The following NELL2 variants were observed in gnomAD, a reference collection of about 807,000 sequenced individuals.
NELL2 encodes neural EGFL like 2.
Under a neutral mutation model 109.6 loss-of-function variants are expected in NELL2, and 41 were observed. That is an observed-to-expected ratio of 0.37 (90% CI 0.29 to 0.49). The LOEUF (loss-of-function observed/expected upper bound fraction) is 0.49, where lower values mean the gene tolerates loss of function less well. NELL2 is among the 20% of genes least tolerant of loss of function. The probability of loss-of-function intolerance (pLI) is 0.98; values close to 1 mark genes in which losing one functional copy is unlikely to be tolerated. For missense variants in NELL2, 900 were observed against 1,008.3 expected (o/e 0.89, Z 1.45); for synonymous variants, 355 against 344.7 (o/e 1.03, Z -0.33).
chr12:44,616,954 G>A (rs1945843869), intron 13 of NELL2, among the ~76,000 whole-genome samples: 1 of 152,068 alleles, frequency 6.6e-6, no homozygotes, highest in Non-Finnish European at 1.5e-5. Flanking sequence ...CAGTACTTTA[G>A]CAATATAATT....
At chr12:44,545,500 T>C (rs1372660958) in intron 15 of NELL2, among the ~76,000 whole-genome samples, 1 of 152,050 alleles carries the variant, frequency 6.6e-6, no homozygotes, top group East Asian at 1.9e-4. Context: ...TACAGAATGA[T>C]CATAAATAAC....
At chr12:44,515,221 A>G (rs2138966496) in intron 19 of NELL2, among the ~76,000 whole-genome samples, 2 of 152,014 alleles carry the variant, frequency 1.3e-5, no homozygotes, top group East Asian at 3.9e-4. Flanking sequence ...AAATAAGAAC[A>G]ATACATTTTC....
chr12:44,876,592 G>A (rs777547894), upstream of NELL2: 22 of 1,537,090 alleles, frequency 1.4e-5, no homozygotes, highest in South Asian at 2.2e-4. Context: ...GTTGATGGGC[G>A]GTCTTTGCTC....
intron 1 of NELL2, among the ~76,000 whole-genome samples, chr12:44,892,582 G>T (rs1945546677): frequency 6.6e-6 from 1 of 151,992 alleles, no homozygotes; most frequent in Non-Finnish European, 1.5e-5. Flanking sequence ...CAGATCACGA[G>T]GTCAGGAGAT....
chr12:44,624,996 GTATATATATA>G lies in NELL2; in HGVS notation c.1445-14036_1445-14027del, dbSNP rs3072882. 5.6e-3 allele frequency among the ~76,000 whole-genome samples: 396 copies of G among 71,126 alleles called. 5 individuals are homozygous for G. Among genetic ancestry groups the G allele is most frequent in the African/African-American group, 0.021 (384 of 18,204 alleles). The allele number at this position is 71,126 out of a possible 152,430, so 46.7% of individuals were successfully genotyped here. A position where few individuals can be genotyped will look rare whatever the true frequency, so the allele number is the denominator to read the frequency against. Reference sequence around the variant, plus strand: ...ATGACAAATATATATATATGTGTGTGTATATATATATATATATATATATATATATATATAT... The same window carrying G: ...ATGACAAATATATATATATGTGTGTGTATATATATATATATATATATATAT... On this transcript the variant is annotated intron_variant, in intron 13 of 19. Coordinates refer to ENST00000429094, the MANE Select transcript of NELL2 (RefSeq NM_001145108.2).
chr12:44,543,961 T>C (rs1942685906), intron 15 of NELL2, among the ~76,000 whole-genome samples: 1 of 152,094 alleles, frequency 6.6e-6, no homozygotes, highest in African/African-American at 2.4e-5. Context: ...ATATAAACAC[T>C]ATGGATTTTC....
At chr12:44,739,566 T>C (rs185790476) in intron 9 of NELL2, among the ~76,000 whole-genome samples, 72 of 152,316 alleles carry the variant, frequency 4.7e-4, no homozygotes, top group Non-Finnish European at 7.6e-4. Context: ...TGTAAAATTA[T>C]ATTATAGAAA....
At chr12:44,600,239 G>A (rs1489296904) in intron 15 of NELL2, among the ~76,000 whole-genome samples, 1 of 150,518 alleles carries the variant, frequency 6.6e-6, no homozygotes, top group Non-Finnish European at 1.5e-5. Context: ...TGGATCTCCG[G>A]ACCTCGTGAT....
At chr12:44,846,049 G>A (rs751162950) in intron 2 of NELL2, among the ~76,000 whole-genome samples, 27 of 152,138 alleles carry the variant, frequency 1.8e-4, no homozygotes, top group Non-Finnish European at 2.4e-4. Flanking sequence ...AATGGACTTG[G>A]AACATTTACA....
intron 13 of NELL2, among the ~76,000 whole-genome samples, chr12:44,627,383 T>C (rs1422686386): frequency 6.6e-6 from 1 of 151,574 alleles, no homozygotes; most frequent in Non-Finnish European, 1.5e-5. Flanking sequence ...CTATTCTCAT[T>C]GGTTATAAAG....
chr12:44,776,927 CA>C, intron 7 of NELL2, 114 bp downstream of exon 7: 1 of 833,250 alleles, frequency 1.2e-6, no homozygotes, highest in South Asian at 1.5e-5. Flanking sequence ...TCAGTCCTAG[CA>C]AACAGTATAG....
chr12:44,729,776 A>G (rs1939274171), intron 9 of NELL2, among the ~76,000 whole-genome samples: 1 of 150,276 alleles, frequency 6.7e-6, no homozygotes, highest in Non-Finnish European at 1.5e-5. Flanking sequence ...CCACCACACC[A>G]GGCCTTTTTG....
chr12:44,743,749 A>C (rs1485933079), intron 9 of NELL2, among the ~76,000 whole-genome samples: 1 of 152,242 alleles, frequency 6.6e-6, no homozygotes, highest in African/African-American at 2.4e-5. Context: ...AGAAGAGCTA[A>C]CCAGCCTAAA....
intron 12 of NELL2, among the ~76,000 whole-genome samples, chr12:44,673,460 C>T (rs554514401): frequency 3.3e-5 from 5 of 152,246 alleles, no homozygotes; most frequent in East Asian, 1.9e-4. Context: ...AGAACCACAG[C>T]GACAAGTGGA....
At chr12:44,766,240 T>G (rs1941330401) in intron 9 of NELL2, among the ~76,000 whole-genome samples, 1 of 152,184 alleles carries the variant, frequency 6.6e-6, no homozygotes, top group South Asian at 2.1e-4. Flanking sequence ...TTTATACCAT[T>G]TATAAATATG....
At chr12:44,833,222 T>C (rs984929161) in intron 2 of NELL2, among the ~76,000 whole-genome samples, 1 of 152,216 alleles carries the variant, frequency 6.6e-6, no homozygotes, top group African/African-American at 2.4e-5. Context: ...AAGTGGTCTA[T>C]AGAAAATTTC....
At chr12:44,727,315 C>A (rs1369106902) in intron 9 of NELL2, among the ~76,000 whole-genome samples, 1 of 152,044 alleles carries the variant, frequency 6.6e-6, no homozygotes, top group Non-Finnish European at 1.5e-5. Flanking sequence ...TTAAGGATTA[C>A]TGGTGTAGAC....
chr12:44,873,857 G>T (rs1466406884), intron 2 of NELL2, among the ~76,000 whole-genome samples: 1 of 151,520 alleles, frequency 6.6e-6, no homozygotes, highest in African/African-American at 2.4e-5. Flanking sequence ...GTTTTTAAAG[G>T]ATTCAATATC....
At chr12:44,600,473 C>T (rs1252993590) in intron 15 of NELL2, among the ~76,000 whole-genome samples, 1 of 152,092 alleles carries the variant, frequency 6.6e-6, no homozygotes, top group Non-Finnish European at 1.5e-5. Flanking sequence ...CATTCAACAA[C>T]GTTTCTCCAG....
Sources: gnomAD v4.1 joint callset for allele counts (sites outside exome capture counted in the v4.1 genomes callset) on GRCh38, gnomAD v4.1.1 for gene constraint, MANE v1.5 for transcripts, NCBI Gene and HGNC (gene_info 2026-07-23, HGNC 2026-07-21) for gene names.